The following SRRM3 variants were observed in gnomAD, a reference collection of about 807,000 sequenced individuals.
The protein encoded by SRRM3 is serine/arginine repetitive matrix protein 3.
Under a neutral mutation model 66.2 loss-of-function variants are expected in SRRM3, and 27 were observed. That is an observed-to-expected ratio of 0.41 (90% CI 0.30 to 0.56). SRRM3 has a LOEUF of 0.56. Ranked by LOEUF, SRRM3 falls within the 20% of genes least tolerant of loss-of-function variation. SRRM3 has a pLI of 0.32. For synonymous variants in SRRM3, 391 were observed against 414.9 expected, an observed-to-expected ratio of 0.94 and a Z score of 0.70; for missense variants, 918 against 991.9, an observed-to-expected ratio of 0.93 and a Z score of 1.00.
chr7:76,224,280 A>G (rs1800800832), intron 1 of SRRM3, among the ~76,000 whole-genome samples: 1 of 149,812 alleles, frequency 6.7e-6, no homozygotes, highest in East Asian at 2.0e-4. Context: ...GGGTTTCACC[A>G]TGTTGCCCAG....
intron 11 of SRRM3, among the ~76,000 whole-genome samples, chr7:76,279,968 CTCTA>C (rs1293867997): frequency 1.3e-5 from 2 of 152,120 alleles, no homozygotes; most frequent in Non-Finnish European, 2.9e-5. Flanking sequence ...CTCTCTCTCT[CTCTA>C]TCTCTCTTGC....
In SRRM3 at chr7:76,225,959, G is replaced by A. The variant is rs543486187; in HGVS notation, c.-39-9069G>A. On this transcript the variant is annotated intron_variant, in intron 1 of 14. Coordinates refer to ENST00000611745, the MANE Select transcript of SRRM3 (RefSeq NM_001110199.3). ...ACTCTCCTGTCTCCCTCTCAAATCA[G>A]GGGTCCCCAGGGCAGGGCTGGGCCT... Among the ~76,000 whole-genome samples, 5 of 152,184 alleles carry A rather than the reference G, an allele frequency of 3.3e-5. No individual in the cohort carries two copies. In the South Asian group the frequency reaches 1.0e-3, roughly 32 times the overall value.
chr7:76,262,368 T>C (rs913870180), intron 8 of SRRM3, among the ~76,000 whole-genome samples: 1 of 151,714 alleles, frequency 6.6e-6, no homozygotes, highest in South Asian at 2.1e-4. Context: ...TAGCTGGGTG[T>C]GGTGGCAAGC....
chr7:76,252,901 C>T (rs1801613900), intron 3 of SRRM3, among the ~76,000 whole-genome samples: 1 of 152,020 alleles, frequency 6.6e-6, no homozygotes, highest in Admixed American at 6.6e-5. Flanking sequence ...CGGTGGCTCA[C>T]GCCTGTAATC....
chr7:76,285,598 C>G lies in SRRM3; in HGVS notation c.1734-17C>G. ...GGGGCCTGGGATGGCCTGTAATCAG[C>G]TTTTTCTTCCCGGCAGCGCCCGCAA... On this transcript the variant is annotated splice_polypyrimidine_tract_variant and intron_variant, in intron 14 of 14. Coordinates refer to ENST00000611745, the MANE Select transcript of SRRM3 (RefSeq NM_001110199.3). The surrounding 1 kb of genome is among the most constrained non-coding windows in gnomAD (Gnocchi z 4.1). 1.3e-6 allele frequency: 2 copies of G among 1,544,354 alleles called. No individual in the cohort carries two copies. The highest frequency in any genetic ancestry group is 2.2e-4 in the Middle Eastern group (1 of 4,596).
rs1353572079 is a variant in SRRM3 at position 76,266,408 on chromosome 7, A to G, written c.831-850A>G. Among the ~76,000 whole-genome samples, 426 of 109,650 alleles carry G rather than the reference A, an allele frequency of 3.9e-3. 2 individuals are homozygous for G. The highest frequency in any genetic ancestry group is 0.017 in the African/African-American group (409 of 24,006). The allele number at this position is 109,650 out of a possible 152,430, so 71.9% of individuals were successfully genotyped here. A position where few individuals can be genotyped will look rare whatever the true frequency, so the allele number is the denominator to read the frequency against. On this transcript the variant is annotated intron_variant, in intron 10 of 14. Transcript: ENST00000611745. The stretch of plus-strand genomic sequence containing the variant: ...TTAATATATTTATATATTTTAATTT[A>G]TATATATTTATATATCTATATATAA...
At chr7:76,222,410 CAAAAA>C (rs572163883) in intron 1 of SRRM3, among the ~76,000 whole-genome samples, 2 of 84,414 alleles carry the variant, frequency 2.4e-5, no homozygotes. Context: ...GACCCCGTCT[CAAAAA>C]AAAAAAAAAA....
chr7:76,209,070 G>C (rs1583862793), intron 1 of SRRM3, among the ~76,000 whole-genome samples: 2 of 152,164 alleles, frequency 1.3e-5, no homozygotes, highest in East Asian at 3.8e-4. Context: ...CTATACTCCA[G>C]CCTGGGTGAC....
At chr7:76,207,996 C>T (rs1245103335) in intron 1 of SRRM3, among the ~76,000 whole-genome samples, 2 of 152,198 alleles carry the variant, frequency 1.3e-5, no homozygotes, top group African/African-American at 2.4e-5. Flanking sequence ...TGCCCTGTCC[C>T]TCTTGGGTGG....
intron 1 of SRRM3, among the ~76,000 whole-genome samples, chr7:76,231,915 G>A (rs1355098987): frequency 6.6e-6 from 1 of 152,110 alleles, no homozygotes; most frequent in Non-Finnish European, 1.5e-5. Context: ...CATAGGCAAA[G>A]GCACAAAGGA....
At chr7:76,245,977 T>C (rs67041130) in intron 2 of SRRM3, among the ~76,000 whole-genome samples, 35,515 of 151,922 alleles carry the variant, frequency 0.23, 4,494 homozygotes, top group East Asian at 0.45. Context: ...GGATTACAGA[T>C]GTGAGCCACT....
At chr7:76,225,979 G>A (rs138162437) in intron 1 of SRRM3, among the ~76,000 whole-genome samples, 1 of 152,180 alleles carries the variant, frequency 6.6e-6, no homozygotes, top group East Asian at 1.9e-4. Context: ...GGGCAGGGCT[G>A]GGCCTCTTCC....
At chr7:76,217,444 C>A (rs1800597095) in intron 1 of SRRM3, among the ~76,000 whole-genome samples, 2 of 152,104 alleles carry the variant, frequency 1.3e-5, no homozygotes, top group Non-Finnish European at 2.9e-5. Context: ...GCCACCACAC[C>A]CGGCTAAGTT....
intron 9 of SRRM3, 70 bp downstream of exon 9, chr7:76,264,885 G>A (rs1583925045): frequency 6.6e-7 from 1 of 1,504,966 alleles, no homozygotes; most frequent in Admixed American, 1.9e-5. Context: ...ACGCCTTTTA[G>A]AATCACAGAA....
chr7:76,218,674 C>CTTTTTTTT lies in SRRM3; in HGVS notation c.-39-16337_-39-16330dup, dbSNP rs11349335. Among the ~76,000 whole-genome samples the CTTTTTTTT allele has an allele frequency of 8.9e-3, 682 of 76,310 alleles. 1 individual carries two copies. Among genetic ancestry groups the CTTTTTTTT allele is most frequent in the Middle Eastern group, 0.019 (1 of 54 alleles). The allele number at this position is 76,310 out of a possible 152,430, so 50.1% of individuals were successfully genotyped here. On this transcript the variant is annotated intron_variant, in intron 1 of 14. Coordinates refer to ENST00000611745, the MANE Select transcript of SRRM3 (RefSeq NM_001110199.3). The stretch of plus-strand genomic sequence containing the variant: ...GAACTCGTCTGTGTTGCTTTCTTTT[C>CTTTTTTTT]TTTTTTTTTTTTTTTTTTTTTTTTG...
rs146972598 is a variant in SRRM3 at position 76,229,792 on chromosome 7, G to A, written c.-39-5236G>A. Among the ~76,000 whole-genome samples the A allele has an allele frequency of 1.2e-3, 174 of 146,140 alleles. 6 individuals carry two copies. The South Asian group carries it at 0.033, about 28-fold the overall frequency. On this transcript the variant is annotated intron_variant, in intron 1 of 14. Transcript: ENST00000611745. ...GGAGTCTCGCTCAATTGCCCAGGCT[G>A]GAGTGCAGTGGTGCGATCTCGGCTC...
In SRRM3 at chr7:76,282,630, G is replaced by A. The variant is rs781889860; in HGVS notation, c.1371-18G>A. On this transcript the variant is annotated intron_variant, in intron 12 of 14. Coordinates refer to ENST00000611745, the MANE Select transcript of SRRM3 (RefSeq NM_001110199.3). ...TCCGGGTCGCTGAGCCCTATCCCGC[G>A]CCGTCTCCCTCCTCCAGGGCCAAGG... is the stretch of plus-strand genomic sequence containing the variant. The A allele has an allele frequency of 3.2e-5, 37 of 1,160,752 alleles. No homozygotes were observed. In the Admixed American group the frequency reaches 1.2e-3, roughly 39 times the overall value. The allele number at this position is 1,160,752 out of a possible 1,614,324, so 71.9% of individuals were successfully genotyped here.
intron 5 of SRRM3, 128 bp from the exon 6 acceptor site, chr7:76,260,746 G>T: frequency 1.2e-6 from 1 of 858,696 alleles, no homozygotes; most frequent in Non-Finnish European, 1.8e-6. Flanking sequence ...GGGAGGAGGG[G>T]CCTCATCTGC....
At chr7:76,257,443 TAAA>T (rs34478728) in intron 3 of SRRM3, among the ~76,000 whole-genome samples, 31 of 95,246 alleles carry the variant, frequency 3.3e-4, no homozygotes, top group Admixed American at 3.6e-4. Flanking sequence ...CTTGTTCAAT[TAAA>T]AAAAAAAAAA....
Sources: gnomAD v4.1 joint callset for allele counts (sites outside exome capture counted in the v4.1 genomes callset) on GRCh38, gnomAD v4.1.1 for gene constraint, Gnocchi (gnomAD v3.1) non-coding constraint, MANE v1.5 for transcripts, NCBI Gene and HGNC (gene_info 2026-07-23, HGNC 2026-07-21) for gene names.